The following INPP4B variants were observed in gnomAD, a reference collection of about 807,000 sequenced individuals.
INPP4B encodes the protein inositol polyphosphate 4-phosphatase type II.
Under a neutral mutation model 122.5 loss-of-function variants are expected in INPP4B, and 55 were observed. The observed-to-expected ratio is 0.45, with a 90% CI of 0.36 to 0.56. The LOEUF is 0.56. INPP4B is among the 20% of genes least tolerant of loss of function. The probability of loss-of-function intolerance (pLI) is 0.00; values close to 1 mark genes in which losing one functional copy is unlikely to be tolerated. For synonymous variants in INPP4B, 403 were observed against 388.7 expected, an observed-to-expected ratio of 1.04 and a Z score of -0.43; for missense variants, 1,000 against 1,097.7, an observed-to-expected ratio of 0.91 and a Z score of 1.26.
At chr4:142,694,324 G>A (rs1470581667) in intron 2 of INPP4B, among the ~76,000 whole-genome samples, 2 of 147,868 alleles carry the variant, frequency 1.4e-5, no homozygotes, top group African/African-American at 5.0e-5. Flanking sequence ...AGTGAGCCGA[G>A]ATTGTACCAC....
At chr4:142,262,466 C>G (rs1740561616) in intron 10 of INPP4B, among the ~76,000 whole-genome samples, 1 of 152,188 alleles carries the variant, frequency 6.6e-6, no homozygotes, top group Admixed American at 6.5e-5. Flanking sequence ...AGTTTCAGCT[C>G]AAACATCACA....
At chr4:142,294,655 T>C (rs1346570246) in intron 9 of INPP4B, among the ~76,000 whole-genome samples, 1 of 150,444 alleles carries the variant, frequency 6.6e-6, no homozygotes, top group African/African-American at 2.4e-5. Flanking sequence ...CCCAGAGAAA[T>C]AAAGGAACTC....
At chr4:142,658,993 A>G (rs951432207) in intron 2 of INPP4B, among the ~76,000 whole-genome samples, 1 of 152,214 alleles carries the variant, frequency 6.6e-6, no homozygotes, top group African/African-American at 2.4e-5. Context: ...CCAACCCAAA[A>G]GGCGTATGTA....
At chr4:142,566,048 C>A (rs1731548514) in intron 2 of INPP4B, 1 of 152,198 alleles carries the variant, frequency 6.6e-6, no homozygotes, top group African/African-American at 2.4e-5. Context: ...AAAGACTTTA[C>A]AACGTACGTA....
chr4:142,816,710 A>G (rs538724328), intron 1 of INPP4B, among the ~76,000 whole-genome samples: 1 of 152,174 alleles, frequency 6.6e-6, no homozygotes, highest in South Asian at 2.1e-4. Context: ...ATATTCAGCC[A>G]TTACTCTTCC....
intron 25 of INPP4B, among the ~76,000 whole-genome samples, chr4:142,057,504 A>T (rs1021910320): frequency 6.6e-6 from 1 of 152,108 alleles, no homozygotes; most frequent in South Asian, 2.1e-4. Flanking sequence ...ATACACTCCC[A>T]GTGTTGGACT....
At chr4:142,188,752 A>T (rs1834391394) in intron 15 of INPP4B, among the ~76,000 whole-genome samples, 2 of 151,886 alleles carry the variant, frequency 1.3e-5, no homozygotes, top group South Asian at 4.1e-4. Context: ...TCTCTCTTTC[A>T]TAAAAAGAAA....
At chr4:142,328,553 A>G (rs1773303625) in intron 7 of INPP4B, among the ~76,000 whole-genome samples, 1 of 152,214 alleles carries the variant, frequency 6.6e-6, no homozygotes, top group African/African-American at 2.4e-5. Flanking sequence ...AGAGAAGCAG[A>G]CATGACAATG....
chr4:142,824,987 T>G (rs1781279978), intron 1 of INPP4B, among the ~76,000 whole-genome samples: 2 of 152,058 alleles, frequency 1.3e-5, no homozygotes, highest in African/African-American at 4.8e-5. Context: ...GGAAATATAC[T>G]GGAGGAGAAA....
chr4:142,662,092 G>A (rs1390443649), intron 2 of INPP4B, among the ~76,000 whole-genome samples: 1 of 151,996 alleles, frequency 6.6e-6, no homozygotes, highest in East Asian at 1.9e-4. Context: ...AAAATTAACC[G>A]GGCGTGGTGG....
chr4:142,046,404 T>G (rs1204936967), intron 25 of INPP4B, among the ~76,000 whole-genome samples: 1 of 152,078 alleles, frequency 6.6e-6, no homozygotes, highest in African/African-American at 2.4e-5. Context: ...TAGCTTGGCC[T>G]TGGGGATTCA....
intron 1 of INPP4B, among the ~76,000 whole-genome samples, chr4:142,728,290 G>A (rs1002770355): frequency 6.6e-6 from 1 of 152,168 alleles, no homozygotes; most frequent in Non-Finnish European, 1.5e-5. Flanking sequence ...AAAGAGTACA[G>A]CATATATGTC....
At chr4:142,084,512 A>T (rs1447991167) in intron 24 of INPP4B, among the ~76,000 whole-genome samples, 8 of 152,204 alleles carry the variant, frequency 5.3e-5, no homozygotes, top group Non-Finnish European at 1.0e-4. Context: ...ATAAAAACAA[A>T]TATTAACAAA....
chr4:142,720,556 T>C (rs1448353739), intron 2 of INPP4B, among the ~76,000 whole-genome samples: 1 of 151,724 alleles, frequency 6.6e-6, no homozygotes, highest in African/African-American at 2.4e-5. Flanking sequence ...TAGATTATAA[T>C]ACCTACTACA....
At chr4:142,311,424 T>C (rs1765472285) in intron 8 of INPP4B, among the ~76,000 whole-genome samples, 1 of 152,218 alleles carries the variant, frequency 6.6e-6, no homozygotes, top group South Asian at 2.1e-4. Context: ...CAGTAATTTC[T>C]AGAATCCCCC....
At position 142,294,808 on chromosome 4, in the gene INPP4B, C is replaced by A. The variant is rs1295922228; in HGVS notation, c.503+10650G>T. Among the ~76,000 whole-genome samples the A allele has an allele frequency of 1.2e-4, 12 of 96,856 alleles. No homozygotes were observed. In the Admixed American group the frequency reaches 1.8e-3, roughly 15 times the overall value. The allele number at this position is 96,856 out of a possible 152,430, so 63.5% of individuals were successfully genotyped here. ...TCGTGCCACTGCACTCCAGCCCGGG[C>A]GACAGAGCGAGACTCCGTCTCAAAA... On this transcript the variant is annotated intron_variant, in intron 9 of 25. Coordinates refer to ENST00000262992, the MANE Select transcript of INPP4B (RefSeq NM_001101669.3).
At chr4:142,571,510 G>A (rs954260537) in intron 2 of INPP4B, among the ~76,000 whole-genome samples, 2 of 152,044 alleles carry the variant, frequency 1.3e-5, no homozygotes, top group African/African-American at 4.8e-5. Flanking sequence ...ATAAATGCCG[G>A]AGAAACTTTG....
intron 1 of INPP4B, among the ~76,000 whole-genome samples, chr4:142,732,093 C>T (rs1699333087): frequency 6.6e-6 from 1 of 152,116 alleles, no homozygotes; most frequent in African/African-American, 2.4e-5. Context: ...AAAGTTATCT[C>T]AGTCATCCAT....
chr4:142,035,384 G>A (rs1024573663), intron 25 of INPP4B, among the ~76,000 whole-genome samples: 3 of 152,154 alleles, frequency 2.0e-5, no homozygotes, highest in African/African-American at 7.2e-5. Context: ...GCTGTGAGCC[G>A]AGATATTTTG....
Sources: gnomAD v4.1 joint callset for allele counts (sites outside exome capture counted in the v4.1 genomes callset) on GRCh38, gnomAD v4.1.1 for gene constraint, MANE v1.5 for transcripts, NCBI Gene and HGNC (gene_info 2026-07-23, HGNC 2026-07-21) for gene names.